TTK: variants seen among roughly 807,000 people sequenced by gnomAD.
TTK encodes TTK protein kinase.
TTK carries 59 observed loss-of-function variants against 117.3 expected under a neutral mutation model. The observed-to-expected ratio is 0.50, with a 90% CI of 0.41 to 0.62. TTK has a LOEUF of 0.62. TTK is among the 20% of genes least tolerant of loss of function. The pLI is 0.00. For synonymous variants in TTK, 302 were observed against 325.0 expected, an observed-to-expected ratio of 0.93 and a Z score of 0.76; for missense variants, 921 against 989.4, an observed-to-expected ratio of 0.93 and a Z score of 0.93.
chr6:80,030,866 T>C (rs1767740096), intron 13 of TTK, among the ~76,000 whole-genome samples: 1 of 152,004 alleles, frequency 6.6e-6, no homozygotes, highest in South Asian at 2.1e-4. Context: ...TCCTTTATAA[T>C]ATAACGCTAA....
intron 11 of TTK, among the ~76,000 whole-genome samples, chr6:80,024,279 CAT>C (rs1767546314): frequency 6.6e-6 from 1 of 152,180 alleles, no homozygotes; most frequent in African/African-American, 2.4e-5. Context: ...GAATTGAAAA[CAT>C]ACATCCACAC....
rs774066834 is a variant in TTK at position 80,035,346 on chromosome 6, C to T, written c.1853C>T (p.Ser618Phe). ...DLNSWLKKKKSIDPWERKSYW... is the reference protein window; with the variant it reads ...DLNSWLKKKKFIDPWERKSYW... ...AATAGTTGGCTTAAAAAGAAAAAAT[C>T]CATTGATCCATGGGAACGCAAGAGT... Residue 618 changes from serine to phenylalanine, a missense_variant, in exon 16 of 22, where the codon TCC becomes TTC. Ser to Phe is a radical substitution (Grantham distance 155). Transcript: ENST00000369798. The T allele has an allele frequency of 1.2e-6, 2 of 1,612,338 alleles. No individual in the cohort carries two copies. The highest frequency in any genetic ancestry group is 1.7e-6 in the Non-Finnish European group (2 of 1,179,150).
rs1057156129 is a variant in TTK, at chr6:80,032,361, C to G, written c.1614+802C>G. Among the ~76,000 whole-genome samples, 20 of 152,220 alleles carry G rather than the reference C, an allele frequency of 1.3e-4. No homozygotes were observed. In the South Asian group the frequency reaches 4.2e-3, roughly 32 times the overall value. ...TCGTGTTACTGATCTCAGTGAAGCA[C>G]TGCTCCGGGCTTAGTCCTCAGCATT... On this transcript the variant is annotated intron_variant, in intron 14 of 21. Coordinates refer to ENST00000369798, the MANE Select transcript of TTK (RefSeq NM_003318.5).
At position 80,038,064 on chromosome 6, in the gene TTK, T is replaced by C; in HGVS notation, c.2130+17T>C. 6.4e-7 allele frequency: 1 copy of C among 1,553,714 alleles called. No individual in the cohort carries two copies. The highest frequency in any genetic ancestry group is 8.8e-7 in the Non-Finnish European group (1 of 1,132,596). On this transcript the variant is annotated intron_variant, in intron 18 of 21. Transcript: ENST00000369798. ...AAGTCAAAGGTACTGAAAAGATTATTTACATCACAATTATCTGGCAACAGT... is the reference window on the plus strand; with the variant it reads ...AAGTCAAAGGTACTGAAAAGATTATCTACATCACAATTATCTGGCAACAGT...
At position 80,040,190 on chromosome 6, in the gene TTK, T is replaced by C. The variant is rs750562040; in HGVS notation, c.2308-6T>C. The C allele has an allele frequency of 6.4e-7, 1 of 1,569,556 alleles. No homozygotes were observed. The highest frequency in any genetic ancestry group is 1.2e-5 in the South Asian group (1 of 81,196). On this transcript the variant is annotated splice_region_variant and splice_polypyrimidine_tract_variant and intron_variant, in intron 19 of 21. Coordinates refer to ENST00000369798, the MANE Select transcript of TTK (RefSeq NM_003318.5). ...TTTTTCTTTTAAAATATCTTTGTTT[T>C]AATAGTGTTGTTTAAAAAGGGACCC...
At chr6:80,009,903 A>G (rs1219976713) in intron 4 of TTK, among the ~76,000 whole-genome samples, 1 of 152,056 alleles carries the variant, frequency 6.6e-6, no homozygotes, top group Non-Finnish European at 1.5e-5. Flanking sequence ...AAGCTATCTG[A>G]TTAATTAAGC....
At chr6:80,029,798 C>A (rs764972313) in intron 13 of TTK, among the ~76,000 whole-genome samples, 3 of 152,158 alleles carry the variant, frequency 2.0e-5, no homozygotes, top group Admixed American at 6.5e-5. Flanking sequence ...AAGGGGGATG[C>A]GGGAAGTCCT....
chr6:80,009,232 T>C (rs1767081064), intron 4 of TTK, among the ~76,000 whole-genome samples: 1 of 152,060 alleles, frequency 6.6e-6, no homozygotes, highest in South Asian at 2.1e-4. Flanking sequence ...CTGCCAGTGA[T>C]AAACATATTA....
intron 12 of TTK, among the ~76,000 whole-genome samples, chr6:80,027,413 A>G (rs1159562845): frequency 3.3e-5 from 5 of 152,188 alleles, no homozygotes; most frequent in Non-Finnish European, 7.4e-5. Context: ...GCATTGTTCT[A>G]GGTGTTGAGG....
At chr6:80,008,752 A>T (rs2127714953) in intron 4 of TTK, among the ~76,000 whole-genome samples, 1 of 152,264 alleles carries the variant, frequency 6.6e-6, no homozygotes, top group Non-Finnish European at 1.5e-5. Flanking sequence ...TTCAGGAAAC[A>T]TCTAAAGGAA....
intron 9 of TTK, 48 bp from the exon 10 acceptor site, chr6:80,014,415 G>C: frequency 6.5e-7 from 1 of 1,529,364 alleles, no homozygotes; most frequent in South Asian, 1.3e-5. Flanking sequence ...AGACAGATTA[G>C]TAGTACTACT....
chr6:80,024,553 TC>T (rs1298000555), intron 11 of TTK, among the ~76,000 whole-genome samples: 1 of 152,114 alleles, frequency 6.6e-6, no homozygotes, highest in Non-Finnish European at 1.5e-5. Context: ...AATAGGCAAA[TC>T]CATAGAGGTG....
At chr6:80,008,591 C>A in intron 4 of TTK, 99 bp downstream of exon 4, 5 of 1,070,514 alleles carry the variant, frequency 4.7e-6, no homozygotes, top group Non-Finnish European at 5.2e-6. Context: ...AAATTTGAGG[C>A]AAAAGACATT....
At chr6:80,040,104 TTATAA>T in intron 19 of TTK, 87 bp from the exon 20 acceptor site, 1 of 1,121,772 alleles carries the variant, frequency 8.9e-7, no homozygotes, top group Non-Finnish European at 1.2e-6. Context: ...AAAGTAACTT[TTATAA>T]TATAATGTAA....
In TTK at chr6:80,042,243, T is replaced by C; in HGVS notation, c.*41T>C. ...AATGTCAGATACCACCTATAAAATA[T>C]ATTGGACTGTTATACTCTTGAATCC... On this transcript the variant is annotated 3_prime_UTR_variant, in exon 22 of 22. Coordinates refer to ENST00000369798, the MANE Select transcript of TTK (RefSeq NM_003318.5). 6.8e-7 allele frequency: 1 copy of C among 1,470,842 alleles called. No individual in the cohort carries two copies. Among genetic ancestry groups the C allele is most frequent in the East Asian group, 2.3e-5 (1 of 43,854 alleles). The allele number at this position is 1,470,842 out of a possible 1,614,324, so 91.1% of individuals were successfully genotyped here. A position where few individuals can be genotyped will look rare whatever the true frequency, so the allele number is the denominator to read the frequency against.
intron 4 of TTK, among the ~76,000 whole-genome samples, chr6:80,010,019 A>AT (rs1767101293): frequency 6.6e-6 from 1 of 152,098 alleles, no homozygotes; most frequent in Non-Finnish European, 1.5e-5. Context: ...ATTTTTAAAA[A>AT]TTTATAAACT....
Position 80,018,332 on chromosome 6 carries a change from C to G in TTK, c.1108+3746C>G, listed in dbSNP as rs372189294. ...ACAGTTATGTTTGAAAATAGTATAG[C>G]TGGCCGGGCACGGTGGCTCACACCT... On this transcript the variant is annotated intron_variant, in intron 10 of 21. Transcript: ENST00000369798. Among the ~76,000 whole-genome samples, 5 of 151,790 alleles carry G rather than the reference C, an allele frequency of 3.3e-5. No homozygotes were observed. In the East Asian group the frequency reaches 9.6e-4, roughly 29 times the overall value.
Position 80,021,402 on chromosome 6 carries a change from G to T in TTK, c.1109-922G>T, listed in dbSNP as rs182465595. On this transcript the variant is annotated intron_variant, in intron 10 of 21. Transcript: ENST00000369798. ...GTTGGAAACCAGGCGTACAGGCTGAGCCCCTCAAAACACACAGTTCCTCAC... is the reference window on the plus strand; with the variant it reads ...GTTGGAAACCAGGCGTACAGGCTGATCCCCTCAAAACACACAGTTCCTCAC... 3.9e-5 allele frequency among the ~76,000 whole-genome samples: 6 copies of T among 152,324 alleles called. No homozygotes were observed. In the East Asian group the frequency reaches 1.2e-3, roughly 29 times the overall value.
chr6:80,022,506 T>G (rs1455483569), intron 11 of TTK, 34 bp downstream of exon 11: 5 of 1,600,656 alleles, frequency 3.1e-6, no homozygotes, highest in Non-Finnish European at 4.3e-6. Flanking sequence ...TATTGCTTTT[T>G]TGTTCATAAT....
Sources: allele counts gnomAD v4.1 joint callset (sites outside exome capture counted in the v4.1 genomes callset), GRCh38; gene constraint gnomAD v4.1.1; transcripts MANE v1.5; gene names NCBI Gene and HGNC (gene_info 2026-07-23, HGNC 2026-07-21).